The following MNAT1 variants were observed in gnomAD, a reference collection of about 807,000 sequenced individuals.
The protein encoded by MNAT1 is CDK-activating kinase assembly factor MAT1.
Under a neutral mutation model 42.0 loss-of-function variants are expected in MNAT1, and 43 were observed. The observed-to-expected ratio is 1.02, with a 90% CI of 0.80 to 1.32. The LOEUF is 1.32. Among genes scored for constraint, MNAT1 ranks in the 40% most tolerant of loss-of-function variants. The probability of loss-of-function intolerance (pLI) is 0.00; values close to 1 mark genes in which losing one functional copy is unlikely to be tolerated. For synonymous variants in MNAT1, 118 were observed against 120.0 expected (o/e 0.98, Z 0.11); for missense variants, 306 against 350.4 (o/e 0.87, Z 1.01).
intron 7 of MNAT1, among the ~76,000 whole-genome samples, chr14:60,958,000 G>C (rs891160651): frequency 6.6e-6 from 1 of 152,036 alleles, no homozygotes; most frequent in Non-Finnish European, 1.5e-5. Context: ...ACCACACCCA[G>C]CTAATTTTGT....
intron 7 of MNAT1, among the ~76,000 whole-genome samples, chr14:60,931,357 T>TG (rs1299914379): frequency 1.3e-5 from 2 of 152,142 alleles, no homozygotes; most frequent in Admixed American, 6.6e-5. Flanking sequence ...TGCTCAGGCT[T>TG]GCTTTCTCAC....
At chr14:60,799,253 T>C (rs1409564941) in intron 3 of MNAT1, 2 of 985,296 alleles carry the variant, frequency 2.0e-6, no homozygotes, top group Non-Finnish European at 1.2e-6. Context: ...TTGTATGTTA[T>C]CTTAGCAATC....
intron 7 of MNAT1, among the ~76,000 whole-genome samples, chr14:60,917,214 A>G (rs535599873): frequency 6.6e-6 from 1 of 152,308 alleles, no homozygotes; most frequent in South Asian, 2.1e-4. Flanking sequence ...GCCTCAGGCA[A>G]ATGGAGAGGT....
chr14:60,747,461 A>G (rs1349587396), intron 1 of MNAT1, among the ~76,000 whole-genome samples: 1 of 152,140 alleles, frequency 6.6e-6, no homozygotes, highest in African/African-American at 2.4e-5. Flanking sequence ...GTGTTACTGT[A>G]CGGAATGCCA....
chr14:60,870,297 A>G (rs1346083786), intron 6 of MNAT1, among the ~76,000 whole-genome samples: 1 of 152,122 alleles, frequency 6.6e-6, no homozygotes, highest in Non-Finnish European at 1.5e-5. Flanking sequence ...CACTAATTAT[A>G]TATACTACTG....
intron 6 of MNAT1, among the ~76,000 whole-genome samples, chr14:60,841,333 A>G (rs1254840646): frequency 6.6e-6 from 1 of 151,950 alleles, no homozygotes; most frequent in East Asian, 1.9e-4. Flanking sequence ...GATCTTCTGT[A>G]GTGTCTAAGC....
At chr14:60,841,697 A>G (rs1464703104) in intron 6 of MNAT1, among the ~76,000 whole-genome samples, 1 of 151,950 alleles carries the variant, frequency 6.6e-6, no homozygotes, top group Non-Finnish European at 1.5e-5. Context: ...AATTTTTGGT[A>G]TTCCATTAAA....
intron 6 of MNAT1, among the ~76,000 whole-genome samples, chr14:60,820,806 C>T (rs1376597435): frequency 1.3e-5 from 2 of 152,078 alleles, no homozygotes; most frequent in Non-Finnish European, 2.9e-5. Context: ...CAATATTAAA[C>T]AAATCAGCTC....
chr14:60,932,193 G>A (rs1473758492), intron 7 of MNAT1, among the ~76,000 whole-genome samples: 1 of 151,902 alleles, frequency 6.6e-6, no homozygotes, highest in Non-Finnish European at 1.5e-5. Flanking sequence ...TCTAAAATAA[G>A]ACTGACATAC....
chr14:60,862,263 T>C (rs1474228844), intron 6 of MNAT1, among the ~76,000 whole-genome samples: 1 of 152,236 alleles, frequency 6.6e-6, no homozygotes, highest in Non-Finnish European at 1.5e-5. Flanking sequence ...TTTTTATAAC[T>C]GTTAGCACAT....
chr14:60,809,549 A>T (rs532484183), intron 4 of MNAT1, among the ~76,000 whole-genome samples: 1 of 152,098 alleles, frequency 6.6e-6, no homozygotes, highest in African/African-American at 2.4e-5. Flanking sequence ...GGTATTACAG[A>T]TGTGAGCCAC....
chr14:60,876,960 A>G lies in MNAT1; in HGVS notation c.688-2754A>G, dbSNP rs147485944. On this transcript the variant is annotated intron_variant, in intron 6 of 7. Coordinates refer to ENST00000261245, the MANE Select transcript of MNAT1 (RefSeq NM_002431.4). The stretch of plus-strand genomic sequence containing the variant: ...CGGGTATATACCCAGAATCCATCCA[A>G]TTGTTGGATCATGTGGTAATTCTGT... Among the ~76,000 whole-genome samples the G allele has an allele frequency of 5.2e-3, 786 of 152,034 alleles. 14 individuals are homozygous for G. The highest frequency in any genetic ancestry group is 0.018 in the African/African-American group (737 of 41,500).
chr14:60,821,328 G>A (rs1024325344), intron 6 of MNAT1, among the ~76,000 whole-genome samples: 3 of 152,092 alleles, frequency 2.0e-5, no homozygotes, highest in African/African-American at 2.4e-5. Flanking sequence ...CTATCAGAAA[G>A]TGTCTTATGG....
chr14:60,879,287 A>G (rs1183149284), intron 6 of MNAT1, among the ~76,000 whole-genome samples: 1 of 152,144 alleles, frequency 6.6e-6, no homozygotes, highest in Non-Finnish European at 1.5e-5. Flanking sequence ...AAATGGTCTT[A>G]TGCTTCTTTG....
At chr14:60,774,921 A>G (rs1337329411) in intron 1 of MNAT1, among the ~76,000 whole-genome samples, 1 of 152,188 alleles carries the variant, frequency 6.6e-6, no homozygotes, top group Non-Finnish European at 1.5e-5. Flanking sequence ...TTAGGAGTCA[A>G]AACTTGTCAT....
At chr14:60,941,657 G>A (rs2036161669) in intron 7 of MNAT1, among the ~76,000 whole-genome samples, 1 of 151,468 alleles carries the variant, frequency 6.6e-6, no homozygotes, top group South Asian at 2.1e-4. Context: ...TGCTAAGATT[G>A]TGCCACTGTA....
intron 6 of MNAT1, among the ~76,000 whole-genome samples, chr14:60,875,937 G>A (rs868228303): frequency 1.3e-5 from 2 of 151,914 alleles, no homozygotes; most frequent in Admixed American, 6.6e-5. Flanking sequence ...ACGGAGTGTT[G>A]GTGAGACTGT....
chr14:60,871,423 C>T (rs1474579004), intron 6 of MNAT1, among the ~76,000 whole-genome samples: 1 of 152,068 alleles, frequency 6.6e-6, no homozygotes, highest in African/African-American at 2.4e-5. Context: ...CCATGGGTTC[C>T]AGTTTCTTCA....
chr14:60,845,887 A>G (rs147717612), intron 6 of MNAT1, among the ~76,000 whole-genome samples: 1 of 152,242 alleles, frequency 6.6e-6, no homozygotes, highest in African/African-American at 2.4e-5. Context: ...TATTGACCCC[A>G]TAAAATGTTT....
Sources: gnomAD v4.1 joint callset for allele counts (sites outside exome capture counted in the v4.1 genomes callset) on GRCh38, gnomAD v4.1.1 for gene constraint, MANE v1.5 for transcripts, NCBI Gene and HGNC (gene_info 2026-07-23, HGNC 2026-07-21) for gene names.